PHF24: variants seen among roughly 807,000 people sequenced by gnomAD.
The protein encoded by PHF24 is Galpha inhibitory interacting protein.
A neutral mutation model predicts 42.6 loss-of-function variants in PHF24; 25 were observed. The ratio of observed to expected loss-of-function variants is 0.59; its 90% CI spans 0.43 to 0.82. The LOEUF is 0.82. Among genes scored for constraint, PHF24 ranks in the 40% least tolerant of loss-of-function variants. The probability of loss-of-function intolerance (pLI) is 0.00; values close to 1 mark genes in which losing one functional copy is unlikely to be tolerated. For missense variants in PHF24, 470 were observed against 538.1 expected, an observed-to-expected ratio of 0.87 and a Z score of 1.25; for synonymous variants, 185 against 204.8, an observed-to-expected ratio of 0.90 and a Z score of 0.83.
the PHF24 span, among the ~76,000 whole-genome samples, chr9:34,915,527 G>C: frequency 6.7e-6 from 1 of 150,094 alleles, no homozygotes; most frequent in African/African-American, 2.5e-5. Flanking sequence ...AAGTATCAAA[G>C]CTAGAAATGC....
chr9:34,804,643 A>T, the PHF24 span, among the ~76,000 whole-genome samples: 881 of 152,322 alleles, frequency 5.8e-3, 26 homozygotes, highest in South Asian at 0.051. Context: ...ATATCAACTA[A>T]TTGCAGTTTT....
chr9:34,838,674 TGTG>T, the PHF24 span: 2 of 450,188 alleles, frequency 4.4e-6, no homozygotes, highest in African/African-American at 3.9e-5. Flanking sequence ...GGGAAGCTCA[TGTG>T]GTGATTCAGT....
the PHF24 span, among the ~76,000 whole-genome samples, chr9:34,915,951 C>T: frequency 6.6e-6 from 1 of 151,838 alleles, no homozygotes; most frequent in African/African-American, 2.4e-5. Flanking sequence ...GTGCTGTTCT[C>T]GTGGTAGTGA....
Position 34,959,036 on chromosome 9 carries a change from C to T in PHF24, c.-5+635C>T, listed in dbSNP as rs577740734. 4.6e-5 allele frequency among the ~76,000 whole-genome samples: 7 copies of T among 152,342 alleles called. 1 individual carries two copies. Among genetic ancestry groups the T allele is most frequent in the Admixed American group, 2.0e-4 (3 of 15,304 alleles). ...AGGGCTGCAGCCTCTTTCCATTCCT[C>T]CTCTTTCCCCATTCGGATTTTTCTT... is the stretch of plus-strand genomic sequence containing the variant. On this transcript the variant is annotated intron_variant, in intron 1 of 7. Coordinates refer to ENST00000242315, the Ensembl canonical transcript of PHF24.
chr9:34,731,146 T>C, the PHF24 span, among the ~76,000 whole-genome samples: 5 of 152,212 alleles, frequency 3.3e-5, no homozygotes, highest in Middle Eastern at 3.2e-3. Flanking sequence ...TTTTATTTTG[T>C]ATGGGTACAT....
chr9:34,718,261 A>G, the PHF24 span, among the ~76,000 whole-genome samples: 975 of 152,224 alleles, frequency 6.4e-3, 7 homozygotes, highest in Non-Finnish European at 0.01. Context: ...CAAGGCAGAA[A>G]AGGGGGGCAG....
At chr9:34,886,126 GC>G in the PHF24 span, among the ~76,000 whole-genome samples, 2 of 151,464 alleles carry the variant, frequency 1.3e-5, no homozygotes, top group East Asian at 3.9e-4. Context: ...TTGGGTACTT[GC>G]CCCCCACTTC....
chr9:34,904,177 A>T, the PHF24 span, among the ~76,000 whole-genome samples: 2 of 152,236 alleles, frequency 1.3e-5, no homozygotes, highest in Non-Finnish European at 2.9e-5. Context: ...AAACAGTGAC[A>T]GTTTGACTTC....
the PHF24 span, among the ~76,000 whole-genome samples, chr9:34,761,532 T>C: frequency 6.6e-6 from 1 of 152,060 alleles, no homozygotes; most frequent in African/African-American, 2.4e-5. Flanking sequence ...CCTTCTCAAA[T>C]CTCTGAGACT....
the PHF24 span, among the ~76,000 whole-genome samples, chr9:34,701,172 T>A: frequency 6.6e-6 from 1 of 152,232 alleles, no homozygotes; most frequent in African/African-American, 2.4e-5. This position sits in a 1 kb window ranked among gnomAD's most constrained non-coding sequence, Gnocchi z 5.8. Context: ...CCAACTTTCG[T>A]GCTCCAGGTC....
the PHF24 span, among the ~76,000 whole-genome samples, chr9:34,921,759 G>A: frequency 1.3e-5 from 2 of 152,114 alleles, no homozygotes; most frequent in African/African-American, 4.8e-5. Flanking sequence ...CCTTGTAAGT[G>A]CTCCAAACCT....
At chr9:34,742,435 T>C in the PHF24 span, among the ~76,000 whole-genome samples, 1 of 151,902 alleles carries the variant, frequency 6.6e-6, no homozygotes, top group Non-Finnish European at 1.5e-5. Context: ...TTCCTCAGAG[T>C]AGATACCTCT....
the PHF24 span, among the ~76,000 whole-genome samples, chr9:34,742,426 T>G: frequency 6.6e-6 from 1 of 152,010 alleles, no homozygotes; most frequent in African/African-American, 2.4e-5. Flanking sequence ...TCTCAGCATT[T>G]CCTCAGAGTA....
chr9:34,797,999 A>G, the PHF24 span, among the ~76,000 whole-genome samples: 2 of 152,138 alleles, frequency 1.3e-5, no homozygotes, highest in Non-Finnish European at 2.9e-5. Context: ...CAACCAAACT[A>G]TAATTATAGA....
the PHF24 span, among the ~76,000 whole-genome samples, chr9:34,799,315 T>C: frequency 6.6e-6 from 1 of 152,198 alleles, no homozygotes; most frequent in Non-Finnish European, 1.5e-5. Context: ...GGCGAGAATC[T>C]TCATCTCACT....
the PHF24 span, among the ~76,000 whole-genome samples, chr9:34,670,762 C>T: frequency 6.6e-6 from 1 of 152,214 alleles, no homozygotes; most frequent in South Asian, 2.1e-4. Context: ...GTGTCTCCTC[C>T]CTAGGTTCCT....
the PHF24 span, among the ~76,000 whole-genome samples, chr9:34,779,956 C>G: frequency 4.6e-5 from 7 of 152,100 alleles, no homozygotes; most frequent in Non-Finnish European, 7.4e-5. Context: ...GAACTTCTGA[C>G]CTCAGGTGAT....
At chr9:34,739,391 G>T in the PHF24 span, among the ~76,000 whole-genome samples, 3 of 152,194 alleles carry the variant, frequency 2.0e-5, no homozygotes, top group Non-Finnish European at 4.4e-5. Context: ...TGATCCAGCA[G>T]TTCCCCTTCT....
the PHF24 span, among the ~76,000 whole-genome samples, chr9:34,733,802 C>T: frequency 6.6e-6 from 1 of 152,202 alleles, no homozygotes; most frequent in African/African-American, 2.4e-5. Flanking sequence ...TGTGCCCGGC[C>T]ATGGCTTCTG....
Sources: gnomAD v4.1 joint callset for allele counts (sites outside exome capture counted in the v4.1 genomes callset) on GRCh38, gnomAD v4.1.1 for gene constraint, Gnocchi (gnomAD v3.1) non-coding constraint, MANE v1.5 for transcripts, NCBI Gene and HGNC (gene_info 2026-07-23, HGNC 2026-07-21) for gene names.